RASGEF1A: variants seen among roughly 807,000 people sequenced by gnomAD.
RASGEF1A encodes ras-GEF domain-containing family member 1A.
In RASGEF1A, 18 loss-of-function variants were observed where a neutral mutation model predicts 56.4. The ratio of observed to expected loss-of-function variants is 0.32; its 90% CI spans 0.22 to 0.47. The LOEUF is 0.47. RASGEF1A is among the 20% of genes least tolerant of loss of function. RASGEF1A has a pLI of 1.00. For synonymous variants in RASGEF1A, 245 were observed against 242.6 expected (o/e 1.01, Z -0.09); for missense variants, 422 against 627.1 (o/e 0.67, Z 3.49).
At chr10:43,238,858 T>G (rs12220534) in intron 1 of RASGEF1A, among the ~76,000 whole-genome samples, 25,347 of 152,190 alleles carry the variant, frequency 0.17, 2,727 homozygotes, top group East Asian at 0.51. Flanking sequence ...AGGGACCTGA[T>G]ATCAAATGGA....
intron 1 of RASGEF1A, among the ~76,000 whole-genome samples, chr10:43,224,036 CA>C: frequency 6.6e-6 from 1 of 151,452 alleles, no homozygotes; most frequent in African/African-American, 2.4e-5. Flanking sequence ...TATAAGTAAC[CA>C]AAAATAGAGT....
rs191754367 is a variant in RASGEF1A at position 43,227,325 on chromosome 10, G to C, written c.-6-21203C>G. The stretch of plus-strand genomic sequence containing the variant: ...GACAGATGGCACTGCTGCAGCCCAT[G>C]TGTCTGTGAGTATGTGACCCTGGGT... On this transcript the variant is annotated intron_variant, in intron 1 of 12. Coordinates refer to ENST00000395810, the MANE Select transcript of RASGEF1A (RefSeq NM_145313.4). 3.7e-4 allele frequency among the ~76,000 whole-genome samples: 57 copies of C among 152,242 alleles called. No individual in the cohort carries two copies. The East Asian group carries it at 7.9e-3, about 21-fold the overall frequency.
chr10:43,223,385 T>C (rs1840234201), intron 1 of RASGEF1A, among the ~76,000 whole-genome samples: 1 of 152,188 alleles, frequency 6.6e-6, no homozygotes, highest in African/African-American at 2.4e-5. Context: ...AAAAAATCCC[T>C]AAATCACACC....
At chr10:43,256,410 AAAG>A (rs753199300) in intron 1 of RASGEF1A, among the ~76,000 whole-genome samples, 2 of 152,290 alleles carry the variant, frequency 1.3e-5, no homozygotes, top group East Asian at 1.9e-4. Flanking sequence ...TCACAGGCAG[AAAG>A]AAGAACAGGA....
chr10:43,207,880 C>A, intron 1 of RASGEF1A: 1 of 489,748 alleles, frequency 2.0e-6, no homozygotes. Flanking sequence ...GGAAGGAACT[C>A]AACTAAGGAA....
chr10:43,214,802 A>T (rs867631766), intron 1 of RASGEF1A, among the ~76,000 whole-genome samples: 91 of 152,236 alleles, frequency 6.0e-4, no homozygotes, highest in African/African-American at 2.1e-3. Flanking sequence ...TTAAGTGTGC[A>T]TCGTTAGGAG....
intron 1 of RASGEF1A, among the ~76,000 whole-genome samples, chr10:43,262,149 C>G (rs1836540394): frequency 6.6e-6 from 1 of 152,126 alleles, no homozygotes; most frequent in Non-Finnish European, 1.5e-5. Context: ...GAGGGTCCAC[C>G]AGATTTGGGC....
intron 1 of RASGEF1A, among the ~76,000 whole-genome samples, chr10:43,215,941 C>A (rs566504064): frequency 7.2e-5 from 11 of 152,328 alleles, no homozygotes; most frequent in African/African-American, 2.4e-4. Context: ...GAAGGAGCTT[C>A]TGGGAAAGGA....
chr10:43,203,990 A>C lies in RASGEF1A; in HGVS notation c.199-570T>G, dbSNP rs866596372. 1.2e-3 allele frequency among the ~76,000 whole-genome samples: 186 copies of C among 151,828 alleles called. 2 individuals are homozygous for C. Among genetic ancestry groups the C allele is most frequent in the African/African-American group, 4.3e-3 (180 of 41,392 alleles). On this transcript the variant is annotated intron_variant, in intron 2 of 12. Transcript: ENST00000395810. ...GGGCAATGCTGGTGGGGGCCCCTGC[A>C]CTCTCTGACCAGCTCTGGGCCTAGA...
chr10:43,253,790 A>G (rs2133226652), intron 1 of RASGEF1A, among the ~76,000 whole-genome samples: 1 of 152,344 alleles, frequency 6.6e-6, no homozygotes, highest in South Asian at 2.1e-4. Flanking sequence ...CTCAGCCCCT[A>G]AGACCCGACC....
Position 43,247,520 on chromosome 10 carries a change from A to G in RASGEF1A, c.-7+19325T>C, listed in dbSNP as rs533390972. On this transcript the variant is annotated intron_variant, in intron 1 of 12. Coordinates refer to ENST00000395810, the MANE Select transcript of RASGEF1A (RefSeq NM_145313.4). ...GTGGAAACAACCCAAATATCCATTA[A>G]CTAATGAGTGTGGTTTATCCATATG... 2.6e-5 allele frequency among the ~76,000 whole-genome samples: 4 copies of G among 152,376 alleles called. 1 individual carries two copies. The highest frequency in any genetic ancestry group is 2.6e-4 in the Admixed American group (4 of 15,310).
chr10:43,198,336 G>T, intron 9 of RASGEF1A, 141 bp from the exon 10 acceptor site: 2 of 689,332 alleles, frequency 2.9e-6, no homozygotes, highest in Non-Finnish European at 2.3e-6. Flanking sequence ...CACGGGGGAG[G>T]GGACGCCCAA....
chr10:43,206,742 G>A, intron 1 of RASGEF1A: 1 of 986,684 alleles, frequency 1.0e-6, no homozygotes, highest in Non-Finnish European at 1.2e-6. Context: ...TGCTCAGGCA[G>A]GCGGTAGCAG....
rs889829063 is a variant in RASGEF1A at position 43,203,364 on chromosome 10, G to A, written c.255C>T (p.Asp85=). ...AGATCTGCCCCACGCGGGCCAGCAG[G>A]TCATGAGGGGGCATAAAGACCCGGG... is the stretch of plus-strand genomic sequence containing the variant. The part of the protein sequence containing the change: ...LSSRVFMPPH[D]LLARVGQICV... Residue 85 remains aspartate, a synonymous_variant, in exon 3 of 13, where the codon GAC becomes GAT. Transcript: ENST00000395810. 6.3e-7 allele frequency: 1 copy of A among 1,587,522 alleles called. No homozygotes were observed.
chr10:43,256,643 C>G (rs1034961178), intron 1 of RASGEF1A, among the ~76,000 whole-genome samples: 20 of 152,176 alleles, frequency 1.3e-4, no homozygotes, highest in Non-Finnish European at 2.5e-4. Flanking sequence ...CCGCTTCCCC[C>G]ACACAGTCTC....
chr10:43,247,151 G>A (rs1168786564), intron 1 of RASGEF1A, among the ~76,000 whole-genome samples: 1 of 152,158 alleles, frequency 6.6e-6, no homozygotes, highest in African/African-American at 2.4e-5. Flanking sequence ...ATGGCCAATA[G>A]GCACATTAAA....
chr10:43,200,622 G>A, intron 5 of RASGEF1A, 45 bp downstream of exon 5: 1 of 1,550,042 alleles, frequency 6.5e-7, no homozygotes, highest in South Asian at 1.1e-5. Context: ...AGGCACTGTG[G>A]TCCCACAGCC....
Position 43,198,199 on chromosome 10 carries a change from T to G in RASGEF1A, c.1033-4A>C. 6.2e-7 allele frequency: 1 copy of G among 1,606,104 alleles called. No homozygotes were observed. Among genetic ancestry groups the G allele is most frequent in the South Asian group, 1.1e-5 (1 of 90,666 alleles). On this transcript the variant is annotated splice_region_variant and splice_polypyrimidine_tract_variant and intron_variant, in intron 9 of 12. Coordinates refer to ENST00000395810, the MANE Select transcript of RASGEF1A (RefSeq NM_145313.4). ...TGCTGGACGGGTCCATGTGATGCTG[T>G]GGGCACAGGGAGGACCTGGTGAGCA...
intron 1 of RASGEF1A, among the ~76,000 whole-genome samples, chr10:43,229,123 T>A (rs1173376945): frequency 6.6e-6 from 1 of 152,174 alleles, no homozygotes; most frequent in East Asian, 1.9e-4. Flanking sequence ...CGCACACTCC[T>A]CGAAGCCCCA....
Sources: allele counts gnomAD v4.1 joint callset (sites outside exome capture counted in the v4.1 genomes callset), GRCh38; gene constraint gnomAD v4.1.1; transcripts MANE v1.5; gene names NCBI Gene and HGNC (gene_info 2026-07-23, HGNC 2026-07-21).